PLXDC2: variants seen among roughly 807,000 people sequenced by gnomAD.
PLXDC2 encodes plexin domain-containing protein 2.
A neutral mutation model predicts 68.9 loss-of-function variants in PLXDC2; 40 were observed. That is an observed-to-expected ratio of 0.58 (90% CI 0.45 to 0.76). PLXDC2 has a LOEUF of 0.76. Among genes scored for constraint, PLXDC2 ranks in the 30% least tolerant of loss-of-function variants. The probability of loss-of-function intolerance (pLI) is 0.00; values close to 1 mark genes in which losing one functional copy is unlikely to be tolerated. For missense variants in PLXDC2, 644 were observed against 661.9 expected, an observed-to-expected ratio of 0.97 and a Z score of 0.30; for synonymous variants, 243 against 234.2, an observed-to-expected ratio of 1.04 and a Z score of -0.34.
intron 1 of PLXDC2, among the ~76,000 whole-genome samples, chr10:19,959,125 G>A (rs539396038): frequency 2.0e-5 from 3 of 152,232 alleles, no homozygotes; most frequent in Middle Eastern, 3.4e-3. Context: ...TTTTACAAAT[G>A]AAGACATTAA....
At chr10:20,158,433 T>C (rs1191188021) in intron 6 of PLXDC2, among the ~76,000 whole-genome samples, 1 of 149,956 alleles carries the variant, frequency 6.7e-6, no homozygotes, top group Admixed American at 6.7e-5. Flanking sequence ...ACACACATAA[T>C]GTCTTTGTTA....
At chr10:20,113,603 C>G (rs867932664) in intron 4 of PLXDC2, among the ~76,000 whole-genome samples, 1 of 152,148 alleles carries the variant, frequency 6.6e-6, no homozygotes, top group African/African-American at 2.4e-5. Context: ...TCTACACATT[C>G]TGGCTGAATG....
At chr10:20,161,022 T>C (rs1834283656) in intron 6 of PLXDC2, among the ~76,000 whole-genome samples, 1 of 152,054 alleles carries the variant, frequency 6.6e-6, no homozygotes, top group South Asian at 2.1e-4. Context: ...TCCCAGAAAA[T>C]TAGGATGAGC....
intron 1 of PLXDC2, among the ~76,000 whole-genome samples, chr10:19,840,845 T>C (rs1047559214): frequency 5.9e-5 from 9 of 152,152 alleles, no homozygotes; most frequent in African/African-American, 2.2e-4. Context: ...TGGTGAAGCA[T>C]TGAATATTAC....
chr10:20,146,514 TCCTTCCTC>T (rs1834082782), intron 5 of PLXDC2, among the ~76,000 whole-genome samples: 1 of 119,604 alleles, frequency 8.4e-6, no homozygotes, highest in African/African-American at 3.6e-5. Flanking sequence ...CTTCCTTCCT[TCCTTCCTC>T]CCTCCCTCCC....
At chr10:20,132,512 T>G (rs901696142) in intron 4 of PLXDC2, among the ~76,000 whole-genome samples, 1 of 152,168 alleles carries the variant, frequency 6.6e-6, no homozygotes, top group African/African-American at 2.4e-5. Context: ...AATATTTGCT[T>G]TATATATTTA....
chr10:20,002,302 C>G (rs947595102), intron 2 of PLXDC2, among the ~76,000 whole-genome samples: 1 of 150,480 alleles, frequency 6.6e-6, no homozygotes, highest in African/African-American at 2.4e-5. Context: ...TCTTGTCACA[C>G]AGGCTGGAGT....
intron 4 of PLXDC2, among the ~76,000 whole-genome samples, chr10:20,083,714 A>G (rs754618466): frequency 3.9e-4 from 60 of 152,302 alleles, no homozygotes; most frequent in Non-Finnish European, 7.6e-4. Context: ...AGCTTGAGGC[A>G]GTATAAATTG....
chr10:19,962,916 G>T (rs940458755), intron 1 of PLXDC2, among the ~76,000 whole-genome samples: 4 of 149,922 alleles, frequency 2.7e-5, no homozygotes, highest in Admixed American at 2.6e-4. Flanking sequence ...CGTGAACCTG[G>T]GAGGCAGAGC....
chr10:19,847,416 A>G (rs766905253), intron 1 of PLXDC2, among the ~76,000 whole-genome samples: 11 of 152,180 alleles, frequency 7.2e-5, no homozygotes, highest in Non-Finnish European at 1.2e-4. Flanking sequence ...AACTACTGGC[A>G]TAAGTCATTA....
chr10:20,260,049 A>C (rs549056979), intron 13 of PLXDC2, among the ~76,000 whole-genome samples: 1 of 152,232 alleles, frequency 6.6e-6, no homozygotes, highest in Admixed American at 6.5e-5. Context: ...CAGATACTCT[A>C]TATCAGGTAC....
At chr10:19,962,384 C>CTT (rs562410398) in intron 1 of PLXDC2, among the ~76,000 whole-genome samples, 1,200 of 27,742 alleles carry the variant, frequency 0.043, 207 homozygotes, top group Non-Finnish European at 0.05. Context: ...CCCATCTTTA[C>CTT]TTTTTTTTTT....
intron 9 of PLXDC2, among the ~76,000 whole-genome samples, chr10:20,208,716 G>A (rs577266202): frequency 1.4e-4 from 21 of 152,072 alleles, no homozygotes; most frequent in African/African-American, 4.1e-4. Flanking sequence ...CATAAGTATC[G>A]GGGGAAATTC....
intron 1 of PLXDC2, among the ~76,000 whole-genome samples, chr10:19,825,943 T>C (rs879272027): frequency 1.3e-5 from 2 of 152,246 alleles, no homozygotes; most frequent in Non-Finnish European, 2.9e-5. Context: ...GTATTTCAGC[T>C]GACTTCTCCT....
chr10:20,147,034 C>T (rs972911892), intron 5 of PLXDC2, among the ~76,000 whole-genome samples: 1 of 151,962 alleles, frequency 6.6e-6, no homozygotes, highest in Non-Finnish European at 1.5e-5. Context: ...AGAGAGTACA[C>T]AATGTCAGTT....
intron 1 of PLXDC2, among the ~76,000 whole-genome samples, chr10:19,836,534 A>C (rs1358399698): frequency 6.6e-6 from 1 of 152,220 alleles, no homozygotes; most frequent in Admixed American, 6.5e-5. Context: ...CCTTAAATCC[A>C]TGAAATCACT....
intron 1 of PLXDC2, among the ~76,000 whole-genome samples, chr10:19,837,592 A>T (rs1271299964): frequency 6.6e-6 from 1 of 152,184 alleles, no homozygotes; most frequent in African/African-American, 2.4e-5. Context: ...GTGCTTGCTG[A>T]AATGATCCGA....
At chr10:20,106,136 A>G (rs943771853) in intron 4 of PLXDC2, among the ~76,000 whole-genome samples, 2 of 152,230 alleles carry the variant, frequency 1.3e-5, no homozygotes, top group Non-Finnish European at 2.9e-5. Context: ...ATTCATTTCC[A>G]TGGCAGGAGG....
chr10:20,253,219 G>C (rs957932568), intron 13 of PLXDC2, among the ~76,000 whole-genome samples: 6 of 151,676 alleles, frequency 4.0e-5, no homozygotes, highest in Non-Finnish European at 8.8e-5. Flanking sequence ...ACAAAAATTA[G>C]ATGGGCATGG....
Sources: allele counts gnomAD v4.1 joint callset (sites outside exome capture counted in the v4.1 genomes callset), GRCh38; gene constraint gnomAD v4.1.1; transcripts MANE v1.5; gene names NCBI Gene and HGNC (gene_info 2026-07-23, HGNC 2026-07-21).